The following PDCD11 variants were observed in gnomAD, a reference collection of about 807,000 sequenced individuals.
PDCD11 encodes the protein programmed cell death 11.
Under a neutral mutation model 198.9 loss-of-function variants are expected in PDCD11, and 97 were observed. The ratio of observed to expected loss-of-function variants is 0.49; its 90% CI spans 0.41 to 0.58. The LOEUF is 0.58. PDCD11 is among the 20% of genes least tolerant of loss of function. The probability of loss-of-function intolerance (pLI) is 0.00; values close to 1 mark genes in which losing one functional copy is unlikely to be tolerated. For missense variants in PDCD11, 2,102 were observed against 2,312.7 expected (o/e 0.91, Z 1.87); for synonymous variants, 893 against 918.0 (o/e 0.97, Z 0.49).
chr10:103,440,984 G>A (rs926615872), intron 30 of PDCD11, 134 bp downstream of exon 30: 7 of 628,266 alleles, frequency 1.1e-5, no homozygotes, highest in East Asian at 2.9e-5. Flanking sequence ...TCCATTGACC[G>A]TCAGCTCCTT....
chr10:103,433,483 C>T (rs1328387649), intron 22 of PDCD11, among the ~76,000 whole-genome samples: 2 of 151,828 alleles, frequency 1.3e-5, no homozygotes, highest in African/African-American at 4.8e-5. Flanking sequence ...GGAGACAGAG[C>T]GAGACTCTGT....
intron 8 of PDCD11, among the ~76,000 whole-genome samples, chr10:103,411,764 T>C (rs2030820462): frequency 6.6e-6 from 1 of 152,186 alleles, no homozygotes; most frequent in African/African-American, 2.4e-5. Context: ...CCTAAACCTC[T>C]TTTTAGTAAT....
chr10:103,416,358 T>C (rs2031106684), intron 12 of PDCD11, 133 bp from the exon 13 acceptor site: 1 of 793,054 alleles, frequency 1.3e-6, no homozygotes, highest in Non-Finnish European at 2.1e-6. Context: ...GCCACTGAGA[T>C]GATTAGAGGA....
At chr10:103,435,121 C>A in intron 25 of PDCD11, 146 bp downstream of exon 25, 1 of 480,490 alleles carries the variant, frequency 2.1e-6, no homozygotes, top group Non-Finnish European at 3.5e-6. Flanking sequence ...TGTTTCTCTA[C>A]CACTTTTTGC....
At chr10:103,418,701 C>T (rs1181666922) in intron 15 of PDCD11, 67 bp downstream of exon 15, 1 of 1,347,846 alleles carries the variant, frequency 7.4e-7, no homozygotes, top group East Asian at 2.3e-5. Flanking sequence ...ATGGGAAATT[C>T]TGGGGAAATT....
intron 17 of PDCD11, 41 bp downstream of exon 17, chr10:103,421,608 G>C: frequency 2.8e-6 from 4 of 1,444,780 alleles, no homozygotes; most frequent in Non-Finnish European, 3.8e-6. Context: ...CCAGGGGTGG[G>C]AGTATGTGTT....
chr10:103,421,764 A>T (rs892093819), intron 17 of PDCD11, among the ~76,000 whole-genome samples, 197 bp downstream of exon 17: 1 of 151,550 alleles, frequency 6.6e-6, no homozygotes, highest in Non-Finnish European at 1.5e-5. Flanking sequence ...GGAGATCGAG[A>T]CCATCCTGGC....
In PDCD11 at chr10:103,423,034, C is replaced by T. The variant is rs755903329; in HGVS notation, c.2544C>T (p.Phe848=). Residue 848 remains phenylalanine (F), a synonymous_variant, in exon 18 of 36, where the codon TTC becomes TTT. Coordinates refer to ENST00000369797, the MANE Select transcript of PDCD11 (RefSeq NM_014976.2). ...QTLAEMTPGM[F]LDLVVQEVLE... Reference sequence around the variant, plus strand: ...TGGCCGAGATGACCCCAGGAATGTTCCTTGACCTAGTGGTGCAGGAGGTGT... The same window carrying T: ...TGGCCGAGATGACCCCAGGAATGTTTCTTGACCTAGTGGTGCAGGAGGTGT... 6.2e-7 allele frequency: 1 copy of T among 1,603,132 alleles called. No homozygotes were observed. The highest frequency in any genetic ancestry group is 8.5e-7 in the Non-Finnish European group (1 of 1,174,448).
intron 25 of PDCD11, among the ~76,000 whole-genome samples, chr10:103,435,297 T>C (rs190135504): frequency 4.6e-5 from 7 of 152,230 alleles, no homozygotes; most frequent in Admixed American, 1.3e-4. Flanking sequence ...TTTGTCCTTT[T>C]ACCTTATTTT....
At position 103,413,287 on chromosome 10, in the gene PDCD11, T is replaced by G. The variant is rs1314337254; in HGVS notation, c.1150T>G (p.Phe384Val). 6.2e-7 allele frequency: 1 copy of G among 1,614,058 alleles called. No individual in the cohort carries two copies. The highest frequency in any genetic ancestry group is 8.5e-7 in the Non-Finnish European group (1 of 1,180,012). The change falls in exon 9 of 36, where the codon TTT becomes GTT. Residue 384 changes from phenylalanine (F) to valine (V), a missense_variant. Transcript: ENST00000369797. Reference protein sequence around the residue: ...QGFFKKAGATFRLKDGVLAYA... With the variant: ...QGFFKKAGATVRLKDGVLAYA... ...TTTTTTCAAAAAGGCTGGGGCCACC[T>G]TTAGGCTGAAGGATGGGGTTCTGGC...
chr10:103,425,076 T>C lies in PDCD11; in HGVS notation c.2856T>C (p.Ala952=). ...ASLVETGHLA[A]FSLTSHLNDT... ...TGGTAGAGACGGGCCACCTGGCAGCTTTCTCCCTGACCTCTCACCTCAACG... is the reference window on the plus strand; with the variant it reads ...TGGTAGAGACGGGCCACCTGGCAGCCTTCTCCCTGACCTCTCACCTCAACG... The change falls in exon 20 of 36, where the codon GCT becomes GCC. Residue 952 remains alanine, a synonymous_variant. Coordinates refer to ENST00000369797, the MANE Select transcript of PDCD11 (RefSeq NM_014976.2). 6.2e-7 allele frequency: 1 copy of C among 1,614,218 alleles called. No homozygotes were observed. Among genetic ancestry groups the C allele is most frequent in the South Asian group, 1.1e-5 (1 of 91,090 alleles).
At position 103,423,109 on chromosome 10, in the gene PDCD11, C is replaced by A; in HGVS notation, c.2619C>A (p.Val873=). The part of the protein sequence containing the change: ...VFSGGPVPDL[V]LKASRYHRAG... Reference sequence around the variant, plus strand: ...GTGGGGGTCCAGTGCCCGACCTGGTCCTGAAAGCCAGCAGATACCATCGCG... The same window carrying A: ...GTGGGGGTCCAGTGCCCGACCTGGTACTGAAAGCCAGCAGATACCATCGCG... The change falls in exon 18 of 36, where the codon GTC becomes GTA. Residue 873 remains valine, a synonymous_variant. Transcript: ENST00000369797. 1 of 1,591,658 alleles carries A rather than the reference C, an allele frequency of 6.3e-7. No homozygotes were observed. The highest frequency in any genetic ancestry group is 8.5e-7 in the Non-Finnish European group (1 of 1,169,712).
At position 103,443,312 on chromosome 10, in the gene PDCD11, C is replaced by T. The variant is rs553735599; in HGVS notation, c.5103C>T (p.Tyr1701=). The change falls in exon 33 of 36, where the codon TAC becomes TAT. Residue 1701 remains tyrosine, a synonymous_variant. Transcript: ENST00000369797. ...TCTTTCTCCACCTGGCTGACATCTA[C>T]GCCAAGTCAGAGAAATTCCAGGTAG... is the stretch of plus-strand genomic sequence containing the variant. The part of the protein sequence containing the change: ...LKVFLHLADI[Y]AKSEKFQEAG... The T allele has an allele frequency of 3.8e-5, 61 of 1,608,680 alleles. 1 individual carries two copies. In the South Asian group the frequency reaches 5.3e-4, roughly 14 times the overall value.
chr10:103,443,858 G>T, intron 33 of PDCD11, 57 bp from the exon 34 acceptor site: 2 of 1,563,774 alleles, frequency 1.3e-6, no homozygotes, highest in Non-Finnish European at 1.8e-6. Context: ...CTGCTTGTCT[G>T]TCTTGTCCCC....
chr10:103,408,303 T>G (rs1044785263), intron 7 of PDCD11, among the ~76,000 whole-genome samples: 2 of 152,118 alleles, frequency 1.3e-5, no homozygotes, highest in African/African-American at 2.4e-5. Context: ...CTCCTCTGTC[T>G]GTATTGGAGC....
At chr10:103,438,877 T>G in intron 27 of PDCD11, 69 bp downstream of exon 27, 1 of 1,549,392 alleles carries the variant, frequency 6.5e-7, no homozygotes, top group South Asian at 1.1e-5. Context: ...TGGGGTCCAC[T>G]GTGTTCCTCG....
At chr10:103,406,954 T>C (rs564162979) in intron 7 of PDCD11, among the ~76,000 whole-genome samples, 164 bp downstream of exon 7, 8 of 152,222 alleles carry the variant, frequency 5.3e-5, no homozygotes, top group Non-Finnish European at 1.2e-4. Flanking sequence ...ATGATAATAT[T>C]TTGGATATAT....
chr10:103,444,786 A>G, intron 35 of PDCD11, 104 bp downstream of exon 35: 1 of 1,113,044 alleles, frequency 9.0e-7, no homozygotes, highest in Non-Finnish European at 1.3e-6. Context: ...TTGATCTAGA[A>G]AACCAGCTAG....
In PDCD11 at chr10:103,434,368, T is replaced by C. The variant is rs774583922; in HGVS notation, c.3667+18T>C. 6.6e-7 allele frequency: 1 copy of C among 1,510,212 alleles called. No homozygotes were observed. The highest frequency in any genetic ancestry group is 1.1e-5 in the South Asian group (1 of 88,480). The allele number at this position is 1,510,212 out of a possible 1,614,324, so 93.6% of individuals were successfully genotyped here. The stretch of plus-strand genomic sequence containing the variant: ...CCTCACAGGTGTGGGGATGAAACAG[T>C]GCCTGGTCGGGGAAGGGGAGCGGCA... On this transcript the variant is annotated intron_variant, in intron 24 of 35. Transcript: ENST00000369797.
Sources: gnomAD v4.1 joint callset for allele counts (sites outside exome capture counted in the v4.1 genomes callset) on GRCh38, gnomAD v4.1.1 for gene constraint, MANE v1.5 for transcripts, NCBI Gene and HGNC (gene_info 2026-07-23, HGNC 2026-07-21) for gene names.